Variants in CDC73 observed in about 807,000 individuals in gnomAD.
The protein encoded by CDC73 is parafibromin.
In CDC73, 21 loss-of-function variants were observed where a neutral mutation model predicts 83.7. The ratio of observed to expected loss-of-function variants is 0.25; its 90% confidence interval spans 0.18 to 0.36. The LOEUF (loss-of-function observed/expected upper bound fraction) is 0.36, where lower values mean the gene tolerates loss of function less well. Among genes scored for constraint, CDC73 ranks in the 10% least tolerant of loss-of-function variants. CDC73 has a pLI of 1.00. For synonymous variants in CDC73, 224 were observed against 212.9 expected, an observed-to-expected ratio of 1.05 and a Z score of -0.45; for missense variants, 342 against 653.3, an observed-to-expected ratio of 0.52 and a Z score of 5.19.
chr1:193,210,616 C>T (rs1409972663), intron 11 of CDC73, among the ~76,000 whole-genome samples: 1 of 152,124 alleles, frequency 6.6e-6, no homozygotes, highest in Non-Finnish European at 1.5e-5. Context: ...GGGCCAGGCT[C>T]AGTGGCTCAC....
At chr1:193,167,858 GTGTTTTTTTGT>G (rs1173911657) in intron 10 of CDC73, among the ~76,000 whole-genome samples, 4 of 151,958 alleles carry the variant, frequency 2.6e-5, no homozygotes, top group Admixed American at 1.3e-4. Flanking sequence ...TACTTTTCTT[GTGTTTTTTTGT>G]TGTTTTTTTG....
At chr1:193,181,726 G>A in intron 10 of CDC73, 1 of 631,756 alleles carries the variant, frequency 1.6e-6, no homozygotes, top group Non-Finnish European at 2.6e-6. Context: ...GCCTGAAAGG[G>A]ACTTTGGGTA....
At chr1:193,133,713 T>C (rs1675736117) in intron 3 of CDC73, among the ~76,000 whole-genome samples, 1 of 152,178 alleles carries the variant, frequency 6.6e-6, no homozygotes. Context: ...TGGGAAAATA[T>C]GTTAATATTT....
chr1:193,251,749 C>T lies in CDC73; in HGVS notation c.*1037C>T. ...ATAAAATATAAAAACTATATTTTAA[C>T]TTAGTGAAATATTTTACTATTTCTC... On this transcript the variant is annotated 3_prime_UTR_variant, in exon 17 of 17. Transcript: ENST00000367435. The T allele has an allele frequency of 4.3e-6, 1 of 231,600 alleles. No individual in the cohort carries two copies. The highest frequency in any genetic ancestry group is 8.6e-6 in the Non-Finnish European group (1 of 116,908). The allele number at this position is 231,600 out of a possible 1,614,324, so 14.3% of individuals were successfully genotyped here.
chr1:193,219,356 A>G (rs1389585333), intron 13 of CDC73, among the ~76,000 whole-genome samples: 1 of 152,218 alleles, frequency 6.6e-6, no homozygotes, highest in Non-Finnish European at 1.5e-5. Flanking sequence ...AACTTAAAAC[A>G]GAACTACCAT....
chr1:193,163,363 C>T (rs1431416007), intron 10 of CDC73, among the ~76,000 whole-genome samples: 4 of 151,650 alleles, frequency 2.6e-5, no homozygotes, highest in South Asian at 2.1e-4. Context: ...AAAAATTAGC[C>T]GAGCGTAGTG....
At chr1:193,147,182 C>T (rs1047845011) in intron 7 of CDC73, among the ~76,000 whole-genome samples, 15 of 151,630 alleles carry the variant, frequency 9.9e-5, no homozygotes, top group Admixed American at 2.6e-4. Flanking sequence ...TTGGTAGAGA[C>T]GGGATTTCAC....
intron 15 of CDC73, among the ~76,000 whole-genome samples, chr1:193,244,697 C>T (rs143793036): frequency 4.3e-4 from 65 of 152,330 alleles, no homozygotes; most frequent in African/African-American, 1.3e-3. Context: ...AAATCTTCCT[C>T]TCCCAAATCT....
chr1:193,148,847 G>A (rs1170032435), intron 8 of CDC73, among the ~76,000 whole-genome samples: 1 of 151,556 alleles, frequency 6.6e-6, no homozygotes. Context: ...GTTTCGTCCT[G>A]TTCAAGACCA....
At chr1:193,148,428 T>C (rs898401615) in intron 8 of CDC73, among the ~76,000 whole-genome samples, 3 of 152,158 alleles carry the variant, frequency 2.0e-5, no homozygotes, top group Admixed American at 6.5e-5. Context: ...GAGAGTTGAC[T>C]GCCTTCTCTT....
rs1030614778 is a variant in CDC73, at chr1:193,182,734, A to G, written c.973-21061A>G. Among the ~76,000 whole-genome samples the G allele has an allele frequency of 9.2e-5, 14 of 152,238 alleles. No homozygotes were observed. The South Asian group carries it at 1.2e-3, about 14-fold the overall frequency. Reference sequence around the variant, plus strand: ...CAACAAGGTTTTCAGTGCATAGCACAGATTTGTTCACATTTGTTCTTAGTG... The same window carrying G: ...CAACAAGGTTTTCAGTGCATAGCACGGATTTGTTCACATTTGTTCTTAGTG... On this transcript the variant is annotated intron_variant, in intron 10 of 16. Transcript: ENST00000367435.
intron 10 of CDC73, among the ~76,000 whole-genome samples, chr1:193,175,198 GT>G (rs1676580627): frequency 6.6e-6 from 1 of 152,132 alleles, no homozygotes; most frequent in South Asian, 2.1e-4. Context: ...CTAGCTTTGT[GT>G]TTTGAAAGTA....
At chr1:193,181,315 CA>C in intron 10 of CDC73, 1 of 1,614,032 alleles carries the variant, frequency 6.2e-7, no homozygotes, top group Non-Finnish European at 8.5e-7. Flanking sequence ...TGTTTCTTTC[CA>C]AATGTTCCGA....
intron 10 of CDC73, among the ~76,000 whole-genome samples, chr1:193,172,367 G>A (rs952756764): frequency 6.6e-6 from 1 of 151,492 alleles, no homozygotes; most frequent in Non-Finnish European, 1.5e-5. Flanking sequence ...GCAGTGGAAA[G>A]ATAAGCAGTT....
intron 10 of CDC73, among the ~76,000 whole-genome samples, chr1:193,168,069 C>G (rs573168714): frequency 6.3e-4 from 96 of 152,166 alleles, no homozygotes; most frequent in African/African-American, 2.1e-3. Context: ...CCATGTTGGC[C>G]AGGCTGGTCC....
intron 7 of CDC73, among the ~76,000 whole-genome samples, chr1:193,144,233 T>A (rs1675956140): frequency 6.6e-6 from 1 of 151,384 alleles, no homozygotes; most frequent in Admixed American, 6.6e-5. Context: ...TAAACTTACA[T>A]AAATTAGGTG....
chr1:193,126,170 C>T (rs772313288), intron 2 of CDC73, among the ~76,000 whole-genome samples: 6 of 152,158 alleles, frequency 3.9e-5, no homozygotes, highest in Non-Finnish European at 5.9e-5. Flanking sequence ...TGGAAGGACC[C>T]TGTTACTTCA....
chr1:193,149,637 T>C (rs1676070790), intron 8 of CDC73, among the ~76,000 whole-genome samples: 1 of 152,174 alleles, frequency 6.6e-6, no homozygotes, highest in African/African-American at 2.4e-5. Context: ...TCTTGATAGG[T>C]ATTGATAAGT....
At chr1:193,172,658 A>G (rs961496783) in intron 10 of CDC73, among the ~76,000 whole-genome samples, 1 of 152,088 alleles carries the variant, frequency 6.6e-6, no homozygotes, top group East Asian at 1.9e-4. Flanking sequence ...TCTTCCATTC[A>G]GACGTTTTGC....
Sources: gnomAD v4.1 joint callset for allele counts (sites outside exome capture counted in the v4.1 genomes callset) on GRCh38, gnomAD v4.1.1 for gene constraint, MANE v1.5 for transcripts, NCBI Gene and HGNC (gene_info 2026-07-23, HGNC 2026-07-21) for gene names.